PAFAH1B1: variants seen among roughly 807,000 people sequenced by gnomAD.
PAFAH1B1 encodes the protein platelet activating factor acetylhydrolase 1b regulatory subunit 1.
A neutral mutation model predicts 57.5 loss-of-function variants in PAFAH1B1; 2 were observed. The observed-to-expected ratio is 0.03, with a 90% CI of 0.01 to 0.11. PAFAH1B1 has a LOEUF of 0.11. PAFAH1B1 is among the 10% of genes least tolerant of loss of function. The probability of loss-of-function intolerance (pLI) is 1.00; values close to 1 mark genes in which losing one functional copy is unlikely to be tolerated. For synonymous variants in PAFAH1B1, 152 were observed against 169.6 expected (o/e 0.90, Z 0.81); for missense variants, 257 against 512.0 (o/e 0.50, Z 4.81).
chr17:2,602,998 A>C (rs1440856790), intron 1 of PAFAH1B1, among the ~76,000 whole-genome samples: 3 of 152,046 alleles, frequency 2.0e-5, no homozygotes, highest in African/African-American at 7.2e-5. Context: ...CAGTCACTTC[A>C]AGTTTCATTT....
chr17:2,656,333 CCAGCTACT>C (rs1395099349), intron 2 of PAFAH1B1, among the ~76,000 whole-genome samples: 1 of 152,038 alleles, frequency 6.6e-6, no homozygotes, highest in African/African-American at 2.4e-5. Flanking sequence ...GCCTGTAGTT[CCAGCTACT>C]CAGGAGGCTG....
chr17:2,664,788 A>AT (rs1351812051), intron 2 of PAFAH1B1, among the ~76,000 whole-genome samples: 1 of 151,984 alleles, frequency 6.6e-6, no homozygotes, highest in African/African-American at 2.4e-5. Flanking sequence ...GAAAAGGCTA[A>AT]TTCAGCTTCT....
chr17:2,619,536 G>GTTTTTTTTTGTT (rs1555521967), intron 1 of PAFAH1B1, among the ~76,000 whole-genome samples: 16 of 45,898 alleles, frequency 3.5e-4, no homozygotes, highest in African/African-American at 1.0e-3. Context: ...GCCCTTACCT[G>GTTTTTTTTTGTT]TTTTTTTTTT....
rs565094981 is a variant in PAFAH1B1, at chr17:2,637,916, T to C, written c.-190-183T>C. On this transcript the variant is annotated intron_variant, in intron 1 of 10. Coordinates refer to ENST00000397195, the MANE Select transcript of PAFAH1B1 (RefSeq NM_000430.4). ...CTGTTTTGGCTCATTGAATTATTAATTTAAAAGACAAAACAGTATGGTTTT... is the reference window on the plus strand; with the variant it reads ...CTGTTTTGGCTCATTGAATTATTAACTTAAAAGACAAAACAGTATGGTTTT... Among the ~76,000 whole-genome samples, 20 of 152,316 alleles carry C rather than the reference T, an allele frequency of 1.3e-4. No individual in the cohort carries two copies. The South Asian group carries it at 4.1e-3, about 32-fold the overall frequency.
chr17:2,594,241 G>C (rs1365056691), intron 1 of PAFAH1B1, among the ~76,000 whole-genome samples: 2 of 152,150 alleles, frequency 1.3e-5, no homozygotes, highest in African/African-American at 4.8e-5. Context: ...CGGGGAGGGC[G>C]CTGCCCTCGC....
At chr17:2,621,490 T>TA (rs1186461744) in intron 1 of PAFAH1B1, among the ~76,000 whole-genome samples, 3 of 152,144 alleles carry the variant, frequency 2.0e-5, no homozygotes, top group Non-Finnish European at 4.4e-5. Flanking sequence ...CCTGAAAAGA[T>TA]ACTTAGTTCT....
chr17:2,637,456 T>C lies in PAFAH1B1; in HGVS notation c.-190-643T>C, dbSNP rs544033562. Reference sequence around the variant, plus strand: ...AGAATTAGCTGGGCATGGTGGTGTGTGCCTGTCGTCCCAGCTGCTTGGGAA... The same window carrying C: ...AGAATTAGCTGGGCATGGTGGTGTGCGCCTGTCGTCCCAGCTGCTTGGGAA... On this transcript the variant is annotated intron_variant, in intron 1 of 10. Transcript: ENST00000397195. Among the ~76,000 whole-genome samples, 825 of 152,196 alleles carry C rather than the reference T, an allele frequency of 5.4e-3. 6 individuals are homozygous for C. The highest frequency in any genetic ancestry group is 0.016 in the South Asian group (78 of 4,824).
intron 8 of PAFAH1B1, among the ~76,000 whole-genome samples, chr17:2,675,712 A>T (rs1437325026): frequency 1.3e-5 from 2 of 151,334 alleles, no homozygotes; most frequent in Non-Finnish European, 2.9e-5. Flanking sequence ...GTGGTGGTAC[A>T]CTCCTGTAGT....
chr17:2,638,185 C>CT lies in PAFAH1B1; in HGVS notation c.-102dup. ...ATCATTTTCCCCTGTGTGGAAGACA[C>CT]TTAGTGGCATATTTAAATTATAAGT... On this transcript the variant is annotated 5_prime_UTR_variant, in exon 2 of 11. Transcript: ENST00000397195. 1 of 836,758 alleles carries CT rather than the reference C, an allele frequency of 1.2e-6. No individual in the cohort carries two copies. The highest frequency in any genetic ancestry group is 1.5e-5 in the South Asian group (1 of 67,420). The allele number at this position is 836,758 out of a possible 1,614,324, so 51.8% of individuals were successfully genotyped here. A position where few individuals can be genotyped will look rare whatever the true frequency, so the allele number is the denominator to read the frequency against.
At chr17:2,652,167 T>G (rs974970437) in intron 2 of PAFAH1B1, among the ~76,000 whole-genome samples, 3 of 152,098 alleles carry the variant, frequency 2.0e-5, no homozygotes, top group African/African-American at 7.2e-5. Flanking sequence ...ATCCCACACT[T>G]TGGGAGGCCA....
chr17:2,596,840 C>T (rs559865710), intron 1 of PAFAH1B1, among the ~76,000 whole-genome samples: 138 of 152,214 alleles, frequency 9.1e-4, no homozygotes, highest in African/African-American at 3.1e-3. Context: ...AGGTGGATCA[C>T]CTGAGGTCAG....
rs1567540492 is a variant in PAFAH1B1 at position 2,638,228 on chromosome 17, T to A, written c.-61T>A. On this transcript the variant is annotated 5_prime_UTR_variant, in exon 2 of 11. Coordinates refer to ENST00000397195, the MANE Select transcript of PAFAH1B1 (RefSeq NM_000430.4). ...TTATAAGTCCACGGATCAAAAAGCT[T>A]TTTGATTTCCCAAAGGAGGGACATA... The A allele has an allele frequency of 1.4e-6, 2 of 1,451,654 alleles. No individual in the cohort carries two copies. Among genetic ancestry groups the A allele is most frequent in the Admixed American group, 3.4e-5 (2 of 58,464 alleles). 89.9% of individuals were successfully genotyped at this position (1,451,654 alleles called of 1,614,324 possible). A position where few individuals can be genotyped will look rare whatever the true frequency, so the allele number is the denominator to read the frequency against.
intron 2 of PAFAH1B1, among the ~76,000 whole-genome samples, chr17:2,650,658 A>T (rs901181487): frequency 5.5e-5 from 8 of 145,694 alleles, no homozygotes; most frequent in Non-Finnish European, 1.2e-4. Flanking sequence ...AAAAAAAAAA[A>T]AAGGAAGTTA....
At chr17:2,648,321 G>A (rs1405786586) in intron 2 of PAFAH1B1, among the ~76,000 whole-genome samples, 1 of 152,074 alleles carries the variant, frequency 6.6e-6, no homozygotes, top group African/African-American at 2.4e-5. Flanking sequence ...TTTGGGTGGG[G>A]ACACAGCCAA....
At chr17:2,610,005 A>G (rs2068249486) in intron 1 of PAFAH1B1, among the ~76,000 whole-genome samples, 1 of 152,120 alleles carries the variant, frequency 6.6e-6, no homozygotes, top group Admixed American at 6.6e-5. Context: ...TTGTATTTTT[A>G]GTAGAGGCAG....
intron 1 of PAFAH1B1, among the ~76,000 whole-genome samples, chr17:2,616,567 C>T (rs577661216): frequency 9.9e-5 from 15 of 152,070 alleles, no homozygotes; most frequent in African/African-American, 1.4e-4. Context: ...GAATAAGGCC[C>T]GCCCACATTA....
chr17:2,607,354 T>G (rs1386873578), intron 1 of PAFAH1B1, among the ~76,000 whole-genome samples: 1 of 151,694 alleles, frequency 6.6e-6, no homozygotes, highest in African/African-American at 2.4e-5. Flanking sequence ...TTTTTTGTAT[T>G]TTAGTAGAGA....
At chr17:2,673,970 C>A in intron 7 of PAFAH1B1, 90 bp from the exon 8 acceptor site, 1 of 890,218 alleles carries the variant, frequency 1.1e-6, no homozygotes, top group Non-Finnish European at 1.8e-6. Context: ...TGGTACCATT[C>A]TCTTCATCCC....
At chr17:2,635,953 CAAA>C (rs560825633) in intron 1 of PAFAH1B1, among the ~76,000 whole-genome samples, 16,596 of 70,758 alleles carry the variant, frequency 0.23, 1,125 homozygotes, top group South Asian at 0.44. Context: ...TAGAAAAATA[CAAA>C]AAAAAAAAAA....
Sources: gnomAD v4.1 joint callset for allele counts (sites outside exome capture counted in the v4.1 genomes callset) on GRCh38, gnomAD v4.1.1 for gene constraint, MANE v1.5 for transcripts, NCBI Gene and HGNC (gene_info 2026-07-23, HGNC 2026-07-21) for gene names.